HNF1B: variants seen among roughly 807,000 people sequenced by gnomAD.
The protein encoded by HNF1B is hepatocyte nuclear factor 1-beta.
In HNF1B, 8 loss-of-function variants were observed where a neutral mutation model predicts 61.7. The observed-to-expected ratio is 0.13, with a 90% CI of 0.08 to 0.23. The LOEUF (loss-of-function observed/expected upper bound fraction) is 0.23. Among genes scored for constraint, HNF1B ranks in the 10% least tolerant of loss-of-function variants. The pLI, the probability that HNF1B is intolerant of heterozygous loss-of-function variation, is 1.00. For synonymous variants in HNF1B, 314 were observed against 287.7 expected (o/e 1.09, Z -0.93); for missense variants, 562 against 714.5 (o/e 0.79, Z 2.43).
Position 37,709,840 on chromosome 17 carries a change from C to T in HNF1B, c.1206+663G>A, listed in dbSNP as rs118143602. Among the ~76,000 whole-genome samples the T allele has an allele frequency of 9.6e-3, 1,461 of 152,212 alleles. 28 individuals are homozygous for T. Among genetic ancestry groups the T allele is most frequent in the Non-Finnish European group, 0.011 (781 of 68,012 alleles). ...AGATGAGGAAGAGATCATAAGTAGT[C>T]GAGTAACCTGCTCAGGCTACACAGC... On this transcript the variant is annotated intron_variant, in intron 5 of 8. Transcript: ENST00000617811.
chr17:37,710,482 C>G, intron 5 of HNF1B, 21 bp downstream of exon 5: 1 of 1,614,096 alleles, frequency 6.2e-7, no homozygotes, highest in Non-Finnish European at 8.5e-7. Context: ...TCCAGAGCGA[C>G]AATGGCCCAG....
intron 8 of HNF1B, among the ~76,000 whole-genome samples, chr17:37,695,423 G>A (rs1465069270): frequency 2.0e-5 from 3 of 152,254 alleles, no homozygotes; most frequent in African/African-American, 7.2e-5. Context: ...AGCCCCCACA[G>A]AGAACCTCCA....
At chr17:37,724,936 GTATATATA>G (rs879391778) in intron 4 of HNF1B, among the ~76,000 whole-genome samples, 2 of 71,900 alleles carry the variant, frequency 2.8e-5, no homozygotes, top group African/African-American at 8.8e-5. Context: ...GTGTGTGTGT[GTATATATA>G]TATAATACAT....
chr17:37,728,332 A>C (rs1380674200), intron 4 of HNF1B, among the ~76,000 whole-genome samples: 2 of 142,514 alleles, frequency 1.4e-5, no homozygotes, highest in Non-Finnish European at 3.0e-5. Context: ...TTTGAGACGG[A>C]GTCTCGCTCT....
chr17:37,723,957 G>A (rs893660597), intron 4 of HNF1B, among the ~76,000 whole-genome samples: 6 of 152,234 alleles, frequency 3.9e-5, no homozygotes, highest in African/African-American at 1.4e-4. Context: ...GTGCCAAAGT[G>A]AAGGTTGGAA....
At chr17:37,739,687 G>T in intron 1 of HNF1B, 48 bp from the exon 2 acceptor site, 1 of 1,475,876 alleles carries the variant, frequency 6.8e-7, no homozygotes, top group Non-Finnish European at 9.3e-7. Context: ...GACATCTGGG[G>T]AGAAACATTC....
rs896991293 is a variant in HNF1B at position 37,719,978 on chromosome 17, TATCACCATCATC to T, written c.1046-9327_1046-9316del. Among the ~76,000 whole-genome samples, 5 of 152,216 alleles carry T rather than the reference TATCACCATCATC, an allele frequency of 3.3e-5. 1 individual carries two copies. Among genetic ancestry groups the T allele is most frequent in the African/African-American group, 7.2e-5 (3 of 41,538 alleles). On this transcript the variant is annotated intron_variant, in intron 4 of 8. Transcript: ENST00000617811. ...CAGAGGGCATCTCCATCAGTATCAT[TATCACCATCATC>T]ATCACCATCATCATGACAGATAGCT... is the stretch of plus-strand genomic sequence containing the variant.
chr17:37,703,781 A>G (rs2147454643), intron 6 of HNF1B, among the ~76,000 whole-genome samples: 1 of 152,280 alleles, frequency 6.6e-6, no homozygotes, highest in Admixed American at 6.5e-5. Flanking sequence ...AGCCACACAT[A>G]TTCAATAAAT....
intron 8 of HNF1B, among the ~76,000 whole-genome samples, chr17:37,697,775 A>C (rs2032434503): frequency 6.6e-6 from 1 of 152,084 alleles, no homozygotes; most frequent in Non-Finnish European, 1.5e-5. Flanking sequence ...GGGTGAGAGA[A>C]GAGTGGCAAA....
In HNF1B at chr17:37,744,714, G is replaced by A; in HGVS notation, c.171C>T (p.Asp57=). 6 of 1,613,430 alleles carry A rather than the reference G, an allele frequency of 3.7e-6. No individual in the cohort carries two copies. Among genetic ancestry groups the A allele is most frequent in the Non-Finnish European group, 5.1e-6 (6 of 1,180,042 alleles). The change falls in exon 1 of 9, where the codon GAC becomes GAT. Residue 57 remains aspartate (D), a synonymous_variant. Transcript: ENST00000617811. ...PLSPGSGAEP[D]TKPVFHTLTN... ...TGAGAGTATGGAAGACCGGCTTGGT[G>A]TCGGGCTCGGCCCCGCTGCCAGGGG...
intron 5 of HNF1B, among the ~76,000 whole-genome samples, chr17:37,708,864 CG>C (rs1360125409): frequency 2.0e-5 from 3 of 152,114 alleles, no homozygotes; most frequent in African/African-American, 7.2e-5. Context: ...CAGAATTGGC[CG>C]GGTCAGTGCT....
intron 5 of HNF1B, among the ~76,000 whole-genome samples, chr17:37,709,292 T>C (rs151127109): frequency 6.6e-6 from 1 of 152,326 alleles, no homozygotes; most frequent in Non-Finnish European, 1.5e-5. Flanking sequence ...TCTCACTCTG[T>C]TGCCCAGGCT....
chr17:37,729,752 C>G (rs1325517664), intron 4 of HNF1B: 3 of 152,310 alleles, frequency 2.0e-5, no homozygotes, highest in African/African-American at 7.2e-5. Context: ...GGCCTGAGCT[C>G]TAGTCCTTGT....
chr17:37,692,499 C>T (rs776983044), intron 8 of HNF1B, among the ~76,000 whole-genome samples: 1 of 152,188 alleles, frequency 6.6e-6, no homozygotes, highest in East Asian at 1.9e-4. Flanking sequence ...ATAAAAATAA[C>T]GACCTTGCAG....
chr17:37,696,646 C>CTT (rs2032395429), intron 8 of HNF1B, among the ~76,000 whole-genome samples: 3 of 152,204 alleles, frequency 2.0e-5, no homozygotes, highest in African/African-American at 7.2e-5. Context: ...CCTCTTTTAC[C>CTT]CAGCCTCAGA....
chr17:37,724,540 G>T (rs1243161413), intron 4 of HNF1B, among the ~76,000 whole-genome samples: 1 of 152,060 alleles, frequency 6.6e-6, no homozygotes, highest in Non-Finnish European at 1.5e-5. Context: ...GCTAAGAATG[G>T]GTTTTACATT....
At chr17:37,721,096 C>T (rs1203644345) in intron 4 of HNF1B, among the ~76,000 whole-genome samples, 2 of 152,186 alleles carry the variant, frequency 1.3e-5, no homozygotes, top group Non-Finnish European at 2.9e-5. Context: ...CAGGAAGAGG[C>T]ACCCTGCAGT....
chr17:37,736,821 G>T (rs935690440), intron 2 of HNF1B, among the ~76,000 whole-genome samples: 4 of 152,164 alleles, frequency 2.6e-5, no homozygotes, highest in African/African-American at 9.7e-5. Flanking sequence ...TAGGTGCTCA[G>T]AACCATTCGG....
chr17:37,719,940 TTCA>T (rs941104803), intron 4 of HNF1B, among the ~76,000 whole-genome samples: 10 of 152,174 alleles, frequency 6.6e-5, no homozygotes, highest in Admixed American at 1.3e-4. Flanking sequence ...TCCCAGCCTC[TTCA>T]TCACTGTCAC....
Sources: gnomAD v4.1 joint callset for allele counts (sites outside exome capture counted in the v4.1 genomes callset) on GRCh38, gnomAD v4.1.1 for gene constraint, MANE v1.5 for transcripts, NCBI Gene and HGNC (gene_info 2026-07-23, HGNC 2026-07-21) for gene names.